Variants in METTL25 observed in about 807,000 individuals in gnomAD.
METTL25 encodes the protein methyltransferase like 25.
METTL25 carries 64 observed loss-of-function variants against 71.6 expected under a neutral mutation model. The observed-to-expected ratio is 0.89, with a 90% confidence interval of 0.73 to 1.10. The LOEUF (loss-of-function observed/expected upper bound fraction) is 1.10. Among genes scored for constraint, METTL25 ranks in the 50% least tolerant of loss-of-function variants. The pLI is 0.00. For missense variants in METTL25, 807 were observed against 707.0 expected (o/e 1.14, Z -1.60); for synonymous variants, 287 against 250.3 (o/e 1.15, Z -1.38).
At chr12:82,448,603 G>T (rs1890916969) in intron 8 of METTL25, among the ~76,000 whole-genome samples, 1 of 151,870 alleles carries the variant, frequency 6.6e-6, no homozygotes, top group Admixed American at 6.6e-5. Flanking sequence ...ATAGTATTTT[G>T]CTACCTATAA....
intron 3 of METTL25, among the ~76,000 whole-genome samples, chr12:82,392,115 A>G (rs1294137830): frequency 6.9e-6 from 1 of 145,892 alleles, no homozygotes; most frequent in Non-Finnish European, 1.5e-5. Flanking sequence ...TTTATTTATT[A>G]TTATTATACT....
intron 8 of METTL25, among the ~76,000 whole-genome samples, chr12:82,445,416 T>C (rs1384152384): frequency 6.6e-6 from 1 of 151,904 alleles, no homozygotes; most frequent in African/African-American, 2.4e-5. Flanking sequence ...AAATTAGCTA[T>C]AGTATATAGT....
rs528776770 is a variant in METTL25 at position 82,358,798 on chromosome 12, C to T, written c.233C>T (p.Pro78Leu). Reference sequence around the variant, plus strand: ...GAGGCCCTGCCCTCAGAGACGCGCCCCCTAGTGGAAGCAGAGTGGGAAGCA... The same window carrying T: ...GAGGCCCTGCCCTCAGAGACGCGCCTCCTAGTGGAAGCAGAGTGGGAAGCA... The part of the protein sequence containing the change: ...ETEALPSETR[P>L]LVEAEWEAGM... Residue 78 changes from proline to leucine, a missense_variant, in exon 1 of 12, where the codon CCC becomes CTC. Transcript: ENST00000248306. 1 of 1,613,262 alleles carries T rather than the reference C, an allele frequency of 6.2e-7. No homozygotes were observed. The highest frequency in any genetic ancestry group is 1.1e-5 in the South Asian group (1 of 91,066).
At chr12:82,449,846 TCTTTC>T (rs1891016125) in intron 8 of METTL25, among the ~76,000 whole-genome samples, 1 of 152,042 alleles carries the variant, frequency 6.6e-6, no homozygotes, top group South Asian at 2.1e-4. Flanking sequence ...CTATGTTGGT[TCTTTC>T]CTTTATAGCA....
At chr12:82,395,936 G>C (rs1421887571) in intron 3 of METTL25, among the ~76,000 whole-genome samples, 1 of 152,088 alleles carries the variant, frequency 6.6e-6, no homozygotes, top group Non-Finnish European at 1.5e-5. Flanking sequence ...TCTGCAGTTA[G>C]ACTGTAGTTT....
intron 2 of METTL25, among the ~76,000 whole-genome samples, chr12:82,388,032 G>GT (rs1452322886): frequency 6.6e-6 from 1 of 151,724 alleles, no homozygotes; most frequent in East Asian, 1.9e-4. Flanking sequence ...ATCTTAAATC[G>GT]TTTCTTACCC....
At chr12:82,478,687 G>A (rs560690686) in intron 11 of METTL25, among the ~76,000 whole-genome samples, 101 of 151,916 alleles carry the variant, frequency 6.6e-4, no homozygotes, top group Non-Finnish European at 1.4e-3. Context: ...GCCACTTCCA[G>A]TTTTTCACAA....
At chr12:82,467,121 G>A (rs1892283786) in intron 9 of METTL25, among the ~76,000 whole-genome samples, 1 of 150,478 alleles carries the variant, frequency 6.6e-6, no homozygotes, top group Non-Finnish European at 1.5e-5. Context: ...GCATATAGTT[G>A]GGTCTTTAAA....
chr12:82,385,401 T>C (rs553870305), intron 1 of METTL25, among the ~76,000 whole-genome samples: 1 of 152,292 alleles, frequency 6.6e-6, no homozygotes, highest in Non-Finnish European at 1.5e-5. Context: ...ATGGATTTTT[T>C]TGGTAGAACT....
intron 5 of METTL25, among the ~76,000 whole-genome samples, chr12:82,412,794 T>C (rs964041723): frequency 6.6e-6 from 1 of 152,050 alleles, no homozygotes; most frequent in Admixed American, 6.6e-5. Flanking sequence ...GACATTGAAC[T>C]TTTCACATAA....
At chr12:82,369,126 A>G (rs1882914698) in intron 1 of METTL25, among the ~76,000 whole-genome samples, 1 of 152,212 alleles carries the variant, frequency 6.6e-6, no homozygotes, top group African/African-American at 2.4e-5. Context: ...TCCCATCTAT[A>G]TAATAAATAT....
intron 1 of METTL25, among the ~76,000 whole-genome samples, chr12:82,372,274 C>G (rs560143556): frequency 6.6e-6 from 1 of 152,114 alleles, no homozygotes; most frequent in African/African-American, 2.4e-5. Context: ...GCCAAATTCC[C>G]TTCCCCCTAC....
chr12:82,432,863 T>TA lies in METTL25; in HGVS notation c.1375-1812dup, dbSNP rs11358515. 5.3e-3 allele frequency among the ~76,000 whole-genome samples: 686 copies of TA among 130,250 alleles called. 5 individuals carry two copies. Among genetic ancestry groups the TA allele is most frequent in the African/African-American group, 0.017 (614 of 35,442 alleles). The allele number at this position is 130,250 out of a possible 152,430, so 85.4% of individuals were successfully genotyped here. On this transcript the variant is annotated intron_variant, in intron 6 of 11. Coordinates refer to ENST00000248306, the MANE Select transcript of METTL25 (RefSeq NM_032230.3). Reference sequence around the variant, plus strand: ...TATTCAAATCTTAAGTGGTCTTCTTTAAAAAAAAAAAAAAAAAAAAGATAC... The same window carrying TA: ...TATTCAAATCTTAAGTGGTCTTCTTTAAAAAAAAAAAAAAAAAAAAAGATAC...
At chr12:82,474,812 A>T (rs1017678892) in intron 9 of METTL25, among the ~76,000 whole-genome samples, 2 of 152,208 alleles carry the variant, frequency 1.3e-5, no homozygotes, top group African/African-American at 4.8e-5. Context: ...CTCAAAAGCA[A>T]CAAACAGAAT....
chr12:82,368,540 A>C (rs1882832738), intron 1 of METTL25, among the ~76,000 whole-genome samples: 1 of 152,158 alleles, frequency 6.6e-6, no homozygotes, highest in African/African-American at 2.4e-5. Flanking sequence ...AAGGTACCAG[A>C]AGTTCAGCTC....
chr12:82,474,567 A>G (rs919518063), intron 9 of METTL25: 2 of 151,940 alleles, frequency 1.3e-5, no homozygotes, highest in African/African-American at 2.4e-5. Flanking sequence ...GGCCAGCTGT[A>G]TACTTCTTAT....
At chr12:82,390,977 G>C (rs1322869098) in intron 3 of METTL25, among the ~76,000 whole-genome samples, 1 of 152,036 alleles carries the variant, frequency 6.6e-6, no homozygotes, top group Non-Finnish European at 1.5e-5. Context: ...ACATAATTTA[G>C]TTAGAATTAA....
intron 3 of METTL25, among the ~76,000 whole-genome samples, chr12:82,396,174 C>T (rs1303352591): frequency 6.6e-6 from 1 of 152,060 alleles, no homozygotes; most frequent in Non-Finnish European, 1.5e-5. Flanking sequence ...TCCATAAGCA[C>T]ACTCAAAGAT....
chr12:82,408,305 A>G (rs984796516), intron 5 of METTL25, among the ~76,000 whole-genome samples: 5 of 152,130 alleles, frequency 3.3e-5, no homozygotes, highest in African/African-American at 1.2e-4. Flanking sequence ...ATGACAGGTT[A>G]AACTCAAAAG....
Sources: gnomAD v4.1 joint callset for allele counts (sites outside exome capture counted in the v4.1 genomes callset) on GRCh38, gnomAD v4.1.1 for gene constraint, MANE v1.5 for transcripts, NCBI Gene and HGNC (gene_info 2026-07-23, HGNC 2026-07-21) for gene names.